The following PRDM16 variants were observed in gnomAD, a reference collection of about 807,000 sequenced individuals.
PRDM16 encodes the protein PR/SET domain 16.
A neutral mutation model predicts 110.6 loss-of-function variants in PRDM16; 23 were observed. That is an observed-to-expected ratio of 0.21 (90% CI 0.15 to 0.29). The LOEUF (loss-of-function observed/expected upper bound fraction) is 0.29, where lower values mean the gene tolerates loss of function less well. PRDM16 is among the 10% of genes least tolerant of loss of function. The probability of loss-of-function intolerance (pLI) is 1.00; values close to 1 mark genes in which losing one functional copy is unlikely to be tolerated. For missense variants in PRDM16, 1,615 were observed against 1,794.3 expected, an observed-to-expected ratio of 0.90 and a Z score of 1.81; for synonymous variants, 799 against 781.8, an observed-to-expected ratio of 1.02 and a Z score of -0.37.
Position 3,099,100 on chromosome 1 carries a change from G to A in PRDM16, c.37+29804G>A, listed in dbSNP as rs552904963. 2.6e-5 allele frequency among the ~76,000 whole-genome samples: 4 copies of A among 152,380 alleles called. No individual in the cohort carries two copies. The South Asian group carries it at 6.2e-4, about 24-fold the overall frequency. Reference sequence around the variant, plus strand: ...GGAGCGCTGAGAAGCAAGCTCCTCTGGGAATCCAGGTCGCCTGCAATGAGG... The same window carrying A: ...GGAGCGCTGAGAAGCAAGCTCCTCTAGGAATCCAGGTCGCCTGCAATGAGG... On this transcript the variant is annotated intron_variant, in intron 1 of 16. Transcript: ENST00000270722.
intron 3 of PRDM16, among the ~76,000 whole-genome samples, chr1:3,377,988 A>C (rs984712475): frequency 6.6e-6 from 1 of 152,124 alleles, no homozygotes; most frequent in African/African-American, 2.4e-5. Context: ...CAGGGCTAGA[A>C]GACTTCACAC....
At chr1:3,320,153 T>C (rs1641706422) in intron 3 of PRDM16, among the ~76,000 whole-genome samples, 1 of 152,166 alleles carries the variant, frequency 6.6e-6, no homozygotes, top group African/African-American at 2.4e-5. Context: ...GTTAGCTGTA[T>C]TGCAGCACCG....
At chr1:3,192,846 A>G (rs1638348669) in intron 2 of PRDM16, among the ~76,000 whole-genome samples, 1 of 152,148 alleles carries the variant, frequency 6.6e-6, no homozygotes, top group African/African-American at 2.4e-5. Flanking sequence ...CTCGGTGCTC[A>G]AAGTGTGGTC....
chr1:3,417,761 C>A (rs1638309934), intron 10 of PRDM16, 67 bp from the exon 11 acceptor site: 3 of 1,345,486 alleles, frequency 2.2e-6, no homozygotes, highest in Non-Finnish European at 3.2e-6. Flanking sequence ...GAACCCCCAG[C>A]AGTGCGTGCC....
intron 7 of PRDM16, 152 bp downstream of exon 7, chr1:3,405,038 T>G: frequency 2.6e-6 from 2 of 781,920 alleles, no homozygotes; most frequent in Non-Finnish European, 2.0e-6. Flanking sequence ...GGCCCTTCCG[T>G]GTGACTAGGA....
At chr1:3,395,591 C>T (rs192360460) in intron 4 of PRDM16, among the ~76,000 whole-genome samples, 4 of 152,266 alleles carry the variant, frequency 2.6e-5, no homozygotes, top group Admixed American at 1.3e-4. Flanking sequence ...ACACACCTGC[C>T]GCCAGACACT....
chr1:3,292,883 G>A (rs543506803), intron 3 of PRDM16, among the ~76,000 whole-genome samples: 19 of 152,346 alleles, frequency 1.2e-4, no homozygotes, highest in South Asian at 4.1e-4. Flanking sequence ...GCCAAGAAGC[G>A]TGAGCAGCCC....
chr1:3,137,852 G>T (rs1643471997), intron 1 of PRDM16, among the ~76,000 whole-genome samples: 1 of 152,266 alleles, frequency 6.6e-6, no homozygotes, highest in Admixed American at 6.5e-5. Context: ...GACCTCACGA[G>T]CCAGGTCCTG....
intron 1 of PRDM16, among the ~76,000 whole-genome samples, chr1:3,125,794 G>A (rs913040186): frequency 1.3e-5 from 2 of 152,244 alleles, no homozygotes; most frequent in Admixed American, 6.5e-5. Flanking sequence ...AGCGGAGCGC[G>A]GCACAGGCGA....
chr1:3,161,367 C>T (rs1046247354), intron 1 of PRDM16, among the ~76,000 whole-genome samples: 5 of 152,206 alleles, frequency 3.3e-5, no homozygotes, highest in African/African-American at 4.8e-5. Flanking sequence ...AAGTACAAAC[C>T]GAGGTGGTTT....
chr1:3,125,719 T>G (rs1224367876), intron 1 of PRDM16, among the ~76,000 whole-genome samples: 1 of 152,254 alleles, frequency 6.6e-6, no homozygotes, highest in Non-Finnish European at 1.5e-5. Context: ...CACGGCAGGT[T>G]GGGCCATTTG....
chr1:3,424,055 C>T (rs1334400878), intron 12 of PRDM16, among the ~76,000 whole-genome samples: 1 of 152,170 alleles, frequency 6.6e-6, no homozygotes, highest in East Asian at 1.9e-4. Context: ...TCAGGGTTCC[C>T]TTCACCGTCG....
chr1:3,413,063 T>C (rs1008901621), intron 9 of PRDM16, among the ~76,000 whole-genome samples: 5 of 152,002 alleles, frequency 3.3e-5, no homozygotes, highest in Non-Finnish European at 5.9e-5. Context: ...TGCAGTTTGC[T>C]TGCACCGATG....
intron 8 of PRDM16, among the ~76,000 whole-genome samples, chr1:3,407,381 G>C (rs972788302): frequency 2.0e-5 from 3 of 152,242 alleles, no homozygotes; most frequent in Non-Finnish European, 4.4e-5. Flanking sequence ...CGTTCCACAA[G>C]TACTGTTTTC....
At chr1:3,253,607 A>G (rs1266371379) in intron 3 of PRDM16, among the ~76,000 whole-genome samples, 1 of 151,862 alleles carries the variant, frequency 6.6e-6, no homozygotes, top group Admixed American at 6.6e-5. Flanking sequence ...CCAGTCTATC[A>G]TTGTTGGACA....
chr1:3,416,302 T>G (rs1181998609), intron 10 of PRDM16, among the ~76,000 whole-genome samples: 1 of 152,216 alleles, frequency 6.6e-6, no homozygotes, highest in Admixed American at 6.5e-5. Context: ...TCCGAAAAGC[T>G]GAGTGCCAGA....
At chr1:3,277,630 G>T (rs959014642) in intron 3 of PRDM16, among the ~76,000 whole-genome samples, 2 of 152,228 alleles carry the variant, frequency 1.3e-5, no homozygotes, top group African/African-American at 2.4e-5. Context: ...TGTCTCAAAG[G>T]TCGGGGACTG....
chr1:3,072,249 G>C (rs1400483617), intron 1 of PRDM16, among the ~76,000 whole-genome samples: 1 of 152,158 alleles, frequency 6.6e-6, no homozygotes, highest in Non-Finnish European at 1.5e-5. Flanking sequence ...GAGCCAGGTG[G>C]GCAGGTGGGG....
intron 3 of PRDM16, among the ~76,000 whole-genome samples, chr1:3,364,760 G>T (rs904141709): frequency 3.9e-5 from 6 of 152,260 alleles, no homozygotes; most frequent in Non-Finnish European, 8.8e-5. Context: ...TCATGGCCGG[G>T]CCAGGAGGCC....
Sources: gnomAD v4.1 joint callset for allele counts (sites outside exome capture counted in the v4.1 genomes callset) on GRCh38, gnomAD v4.1.1 for gene constraint, MANE v1.5 for transcripts, NCBI Gene and HGNC (gene_info 2026-07-23, HGNC 2026-07-21) for gene names.